Variants in CPXM2 observed in about 807,000 individuals in gnomAD.
CPXM2 encodes the protein carboxypeptidase X, M14 family member 2.
Under a neutral mutation model 86.1 loss-of-function variants are expected in CPXM2, and 66 were observed. The observed-to-expected ratio is 0.77, with a 90% CI of 0.63 to 0.94. The LOEUF (loss-of-function observed/expected upper bound fraction) is 0.94, where lower values mean the gene tolerates loss of function less well. Ranked by LOEUF, CPXM2 falls within the 40% of genes least tolerant of loss-of-function variation. CPXM2 has a pLI of 0.00. For missense variants in CPXM2, 948 were observed against 1,026.3 expected (o/e 0.92, Z 1.04); for synonymous variants, 388 against 400.2 (o/e 0.97, Z 0.36).
rs199650417 is a variant in CPXM2 at position 123,747,007 on chromosome 10, C to T, written c.2028G>A (p.Gly676=). ...INHDIRTAND[G]DYWRLLNPGE... is the part of the protein sequence containing the mutation. The stretch of plus-strand genomic sequence containing the variant: ...CAGGGTTCAGGAGGCGCCAGTAATC[C>T]CCATCGTTGGCTGTGAAAAAGAAAA... Residue 676 remains glycine (G), a synonymous_variant, in exon 14 of 14, where the codon GGG becomes GGA. Transcript: ENST00000241305. 90 of 1,613,780 alleles carry T rather than the reference C, an allele frequency of 5.6e-5. No individual in the cohort carries two copies. The East Asian group carries it at 1.8e-3, about 32-fold the overall frequency.
intron 4 of CPXM2, among the ~76,000 whole-genome samples, chr10:123,803,749 C>A (rs1590018776): frequency 6.6e-6 from 1 of 152,016 alleles, no homozygotes; most frequent in South Asian, 2.1e-4. Context: ...GCAACCTCTG[C>A]CTCCTGGGTT....
intron 10 of CPXM2, 27 bp from the exon 11 acceptor site, chr10:123,762,196 A>C (rs775843603): frequency 6.2e-7 from 1 of 1,614,048 alleles, no homozygotes; most frequent in Non-Finnish European, 8.5e-7. Flanking sequence ...TGGACGAGTA[A>C]AATAAGCAGG....
chr10:123,798,281 G>A (rs913455767), intron 5 of CPXM2, among the ~76,000 whole-genome samples, 155 bp from the exon 6 acceptor site: 3 of 151,728 alleles, frequency 2.0e-5, no homozygotes, highest in Non-Finnish European at 4.4e-5. Flanking sequence ...AAATGAATCA[G>A]GCCTGGATCC....
At chr10:123,814,527 G>A (rs1293963255) in intron 4 of CPXM2, among the ~76,000 whole-genome samples, 1 of 152,030 alleles carries the variant, frequency 6.6e-6, no homozygotes, top group African/African-American at 2.4e-5. Context: ...TATTAGTTCT[G>A]TCCCTCTAGA....
intron 2 of CPXM2, among the ~76,000 whole-genome samples, chr10:123,869,681 G>A (rs1016926800): frequency 7.2e-5 from 11 of 152,066 alleles, no homozygotes; most frequent in African/African-American, 2.4e-4. Flanking sequence ...CCCACCCCAC[G>A]CACGTACTGC....
At chr10:123,863,426 G>A (rs1455370862) in intron 2 of CPXM2, among the ~76,000 whole-genome samples, 2 of 152,164 alleles carry the variant, frequency 1.3e-5, no homozygotes, top group Non-Finnish European at 2.9e-5. Flanking sequence ...CCCGCATTGA[G>A]GGGGTTTGTG....
intron 2 of CPXM2, among the ~76,000 whole-genome samples, chr10:123,875,506 G>A (rs189947912): frequency 2.0e-5 from 3 of 152,330 alleles, no homozygotes; most frequent in Admixed American, 6.5e-5. Context: ...TGCCAAGAAG[G>A]AAGACCCAAC....
rs1290829878 is a variant in CPXM2 at position 123,854,387 on chromosome 10, T to A, written c.513+8227A>T. 2.3e-4 allele frequency among the ~76,000 whole-genome samples: 27 copies of A among 116,864 alleles called. 1 individual carries two copies. The highest frequency in any genetic ancestry group is 8.5e-4 in the African/African-American group (24 of 28,350). The allele number at this position is 116,864 out of a possible 152,430, so 76.7% of individuals were successfully genotyped here. A position where few individuals can be genotyped will look rare whatever the true frequency, so the allele number is the denominator to read the frequency against. On this transcript the variant is annotated intron_variant, in intron 3 of 13. Coordinates refer to ENST00000241305, the MANE Select transcript of CPXM2 (RefSeq NM_198148.3). ...ATATATATATATAATATATATATAATATATATATTATATATATATTATATA... is the reference window on the plus strand; with the variant it reads ...ATATATATATATAATATATATATAAAATATATATTATATATATATTATATA...
At chr10:123,898,723 C>A (rs981837471) in intron 2 of CPXM2, among the ~76,000 whole-genome samples, 1 of 152,170 alleles carries the variant, frequency 6.6e-6, no homozygotes, top group Non-Finnish European at 1.5e-5. Flanking sequence ...CTGAAATTCC[C>A]ACCTTATAGA....
upstream of CPXM2, among the ~76,000 whole-genome samples, chr10:123,895,820 C>T (rs1945333817): frequency 6.6e-6 from 1 of 152,192 alleles, no homozygotes; most frequent in Admixed American, 6.5e-5. Flanking sequence ...CAGAATCCCC[C>T]CCAGTTTCTG....
chr10:123,803,209 C>T (rs1278792036), intron 4 of CPXM2, among the ~76,000 whole-genome samples: 1 of 141,518 alleles, frequency 7.1e-6, no homozygotes, highest in African/African-American at 2.6e-5. Flanking sequence ...GCAATTCACC[C>T]ACCTCAGAGC....
chr10:123,749,147 G>A (rs1846023212), intron 13 of CPXM2, among the ~76,000 whole-genome samples: 2 of 152,188 alleles, frequency 1.3e-5, no homozygotes, highest in South Asian at 2.1e-4. Flanking sequence ...GTGCTCAGAG[G>A]GGATTAGTTA....
chr10:123,748,278 G>A (rs571453718), intron 13 of CPXM2, among the ~76,000 whole-genome samples: 1 of 152,178 alleles, frequency 6.6e-6, no homozygotes, highest in Non-Finnish European at 1.5e-5. Flanking sequence ...TTTGGAGCCA[G>A]GTAGAGAAAA....
chr10:123,863,361 C>A (rs1482513954), intron 2 of CPXM2, among the ~76,000 whole-genome samples: 1 of 152,186 alleles, frequency 6.6e-6, no homozygotes, highest in African/African-American at 2.4e-5. Context: ...GGGGTGCACA[C>A]AGTGAGTGTG....
intron 3 of CPXM2, among the ~76,000 whole-genome samples, chr10:123,848,387 A>C (rs1231792105): frequency 6.6e-6 from 1 of 152,214 alleles, no homozygotes; most frequent in African/African-American, 2.4e-5. Context: ...CACTGTATTC[A>C]TTGTTTTTGA....
intron 2 of CPXM2, among the ~76,000 whole-genome samples, chr10:123,936,092 C>CATT (rs1590130611): frequency 3.4e-3 from 3 of 876 alleles, no homozygotes; most frequent in African/African-American, 4.6e-3. Flanking sequence ...TCACCACCAC[C>CATT]ATCACCATCA....
At chr10:123,751,813 A>C (rs890222654) in intron 13 of CPXM2, 1 of 985,444 alleles carries the variant, frequency 1.0e-6, no homozygotes. Flanking sequence ...AGCCGTGTGT[A>C]AAGTATGGAG....
At chr10:123,766,879 T>A in intron 10 of CPXM2, 94 bp downstream of exon 10, 1 of 1,020,264 alleles carries the variant, frequency 9.8e-7, no homozygotes, top group Non-Finnish European at 1.5e-6. Flanking sequence ...AAAACAGTTT[T>A]GTCTCTTTCT....
chr10:123,783,817 G>A (rs552123783), intron 6 of CPXM2, among the ~76,000 whole-genome samples: 2 of 152,168 alleles, frequency 1.3e-5, no homozygotes, highest in African/African-American at 2.4e-5. Flanking sequence ...CTTACAGAGG[G>A]AGCTTTGATC....
Sources: gnomAD v4.1 joint callset for allele counts (sites outside exome capture counted in the v4.1 genomes callset) on GRCh38, gnomAD v4.1.1 for gene constraint, MANE v1.5 for transcripts, NCBI Gene and HGNC (gene_info 2026-07-23, HGNC 2026-07-21) for gene names.